Variants in FGF12 observed in about 807,000 individuals in gnomAD.
The protein encoded by FGF12 is fibroblast growth factor 12B.
Under a neutral mutation model 23.6 loss-of-function variants are expected in FGF12, and 14 were observed. The ratio of observed to expected loss-of-function variants is 0.59; its 90% CI spans 0.39 to 0.93. The LOEUF (loss-of-function observed/expected upper bound fraction) is 0.93. FGF12 is among the 40% of genes least tolerant of loss of function. FGF12 has a pLI of 0.00. For missense variants in FGF12, 175 were observed against 217.8 expected (o/e 0.80, Z 1.24); for synonymous variants, 62 against 77.3 (o/e 0.80, Z 1.04).
chr3:192,716,040 T>G (rs1454047230), intron 2 of FGF12, among the ~76,000 whole-genome samples: 1 of 152,262 alleles, frequency 6.6e-6, no homozygotes, highest in Non-Finnish European at 1.5e-5. Flanking sequence ...ACACATCTAT[T>G]TCTAGATTGA....
At position 192,713,605 on chromosome 3, in the gene FGF12, G is replaced by A. The variant is rs145049311; in HGVS notation, c.13+13576C>T. On this transcript the variant is annotated intron_variant, in intron 2 of 5. Transcript: ENST00000445105. Reference sequence around the variant, plus strand: ...CATCCTCCCATCTTTACTAAGACACGATTCACTGGGGTCAGTTGAGATTAA... The same window carrying A: ...CATCCTCCCATCTTTACTAAGACACAATTCACTGGGGTCAGTTGAGATTAA... 3.5e-3 allele frequency among the ~76,000 whole-genome samples: 536 copies of A among 152,240 alleles called. 3 individuals are homozygous for A. Among genetic ancestry groups the A allele is most frequent in the African/African-American group, 0.012 (513 of 41,534 alleles).
intron 2 of FGF12, among the ~76,000 whole-genome samples, chr3:192,466,749 G>A (rs956657016): frequency 2.0e-5 from 3 of 152,102 alleles, no homozygotes; most frequent in African/African-American, 7.2e-5. Context: ...AAGGTCAGGG[G>A]TCTGATCAAG....
At chr3:192,605,620 T>C (rs991924505) in intron 2 of FGF12, among the ~76,000 whole-genome samples, 1 of 152,148 alleles carries the variant, frequency 6.6e-6, no homozygotes, top group Non-Finnish European at 1.5e-5. Flanking sequence ...ATATCTGGAA[T>C]CTATGAGAAA....
intron 2 of FGF12, among the ~76,000 whole-genome samples, chr3:192,416,691 C>T (rs961084063): frequency 2.6e-5 from 4 of 152,064 alleles, no homozygotes; most frequent in East Asian, 1.9e-4. Context: ...TAGGATAGTA[C>T]ATGAAAGCAT....
At position 192,224,536 on chromosome 3, in the gene FGF12, C is replaced by T. The variant is rs375321514; in HGVS notation, c.229-53880G>A. On this transcript the variant is annotated intron_variant, in intron 4 of 5. Transcript: ENST00000445105. The stretch of plus-strand genomic sequence containing the variant: ...TGGGACTAGGAAAAGAAATGGTTAA[C>T]AAGTAAATATCAGTTCATAGCTACT... Among the ~76,000 whole-genome samples the T allele has an allele frequency of 2.2e-3, 334 of 152,110 alleles. 2 individuals carry two copies. The highest frequency in any genetic ancestry group is 5.5e-3 in the African/African-American group (228 of 41,528).
chr3:192,676,102 C>G (rs546730912), intron 2 of FGF12, among the ~76,000 whole-genome samples: 2 of 152,176 alleles, frequency 1.3e-5, no homozygotes, highest in Non-Finnish European at 2.9e-5. Flanking sequence ...AACCAGAAGA[C>G]CATATGAGTA....
In FGF12 at chr3:192,360,965, C is replaced by T. The variant is rs1718695556; in HGVS notation, c.14-427G>A. Among the ~76,000 whole-genome samples, 1 of 152,008 alleles carries T rather than the reference C, an allele frequency of 6.6e-6. No homozygotes were observed. The highest frequency in any genetic ancestry group is 2.1e-4 in the South Asian group (1 of 4,816). ...TAAGACTTCTATCTCTGCAGGATGTCAGCTCTCCATCAGAAGTTCCTGGGT... is the reference window on the plus strand; with the variant it reads ...TAAGACTTCTATCTCTGCAGGATGTTAGCTCTCCATCAGAAGTTCCTGGGT... On this transcript the variant is annotated intron_variant, in intron 2 of 5. Transcript: ENST00000445105. The surrounding 1 kb of genome is among the most constrained non-coding windows in gnomAD (Gnocchi z 4.3).
At chr3:192,496,393 C>G (rs996302286) in intron 2 of FGF12, among the ~76,000 whole-genome samples, 9 of 151,932 alleles carry the variant, frequency 5.9e-5, no homozygotes, top group Non-Finnish European at 1.3e-4. Context: ...ATATACTGGT[C>G]CAAGCCTGAC....
chr3:192,475,994 G>C (rs931303566), intron 2 of FGF12, among the ~76,000 whole-genome samples: 1 of 151,774 alleles, frequency 6.6e-6, no homozygotes, highest in Non-Finnish European at 1.5e-5. Flanking sequence ...CTGAAAAATA[G>C]CCTAGCCCAC....
chr3:192,336,988 T>C lies in FGF12; in HGVS notation c.125-1524A>G, dbSNP rs906533273. On this transcript the variant is annotated intron_variant, in intron 3 of 5. Coordinates refer to ENST00000445105, the MANE Select transcript of FGF12 (RefSeq NM_004113.6). This position sits in a 1 kb window ranked among gnomAD's most constrained non-coding sequence, Gnocchi z 4.3. Reference sequence around the variant, plus strand: ...CGAAAACTGAGACTAGATAAGAAACTGTAAGTAGTTTCTTATAGATTAATT... The same window carrying C: ...CGAAAACTGAGACTAGATAAGAAACCGTAAGTAGTTTCTTATAGATTAATT... 3.9e-5 allele frequency among the ~76,000 whole-genome samples: 6 copies of C among 152,190 alleles called. No individual in the cohort carries two copies. The highest frequency in any genetic ancestry group is 2.0e-4 in the Admixed American group (3 of 15,262).
chr3:192,196,717 C>T (rs1334215759), intron 4 of FGF12, among the ~76,000 whole-genome samples: 1 of 152,192 alleles, frequency 6.6e-6, no homozygotes, highest in East Asian at 1.9e-4. Context: ...GTAGACGTGA[C>T]AGCATTTTGT....
chr3:192,268,082 A>G lies in FGF12; in HGVS notation c.228+67279T>C, dbSNP rs114680278. On this transcript the variant is annotated intron_variant, in intron 4 of 5. Transcript: ENST00000445105. ...TTAAAACATGAATACACAACCCAGC[A>G]CAGTACTATGAAATCTCAGAAGTTC... Among the ~76,000 whole-genome samples the G allele has an allele frequency of 6.5e-3, 992 of 152,302 alleles. 10 individuals are homozygous for G. The highest frequency in any genetic ancestry group is 0.023 in the African/African-American group (957 of 41,578).
intron 4 of FGF12, among the ~76,000 whole-genome samples, chr3:192,296,145 A>G (rs926255380): frequency 1.4e-5 from 2 of 146,878 alleles, no homozygotes; most frequent in African/African-American, 5.0e-5. Context: ...ACCTCAACCA[A>G]TCTACCTGAC....
At chr3:192,426,619 A>G (rs1341052028) in intron 2 of FGF12, among the ~76,000 whole-genome samples, 1 of 152,232 alleles carries the variant, frequency 6.6e-6, no homozygotes, top group Non-Finnish European at 1.5e-5. Context: ...TTCTTCATCA[A>G]CTTCCTAAAT....
At position 192,408,247 on chromosome 3, in the gene FGF12, C is replaced by T. The variant is rs761735886; in HGVS notation, c.14-47709G>A. ...ATAGCTGCTCAGCGAGGGCCTCAGG[C>T]CCCAGCCTCTACTGCGCCCTCCGGC... is the stretch of plus-strand genomic sequence containing the variant. On this transcript the variant is annotated intron_variant, in intron 2 of 5. Transcript: ENST00000445105. This position sits in a 1 kb window ranked among gnomAD's most constrained non-coding sequence, Gnocchi z 7.3. The T allele has an allele frequency of 6.4e-7, 1 of 1,573,030 alleles. No homozygotes were observed. Among genetic ancestry groups the T allele is most frequent in the Non-Finnish European group, 8.6e-7 (1 of 1,163,496 alleles).
At chr3:192,205,555 G>T (rs1367733394) in intron 4 of FGF12, among the ~76,000 whole-genome samples, 1 of 152,202 alleles carries the variant, frequency 6.6e-6, no homozygotes, top group African/African-American at 2.4e-5. Context: ...TAAGTGCCCA[G>T]CAAGAAGAGA....
intron 2 of FGF12, among the ~76,000 whole-genome samples, chr3:192,688,004 C>A (rs572384572): frequency 6.6e-6 from 1 of 152,274 alleles, no homozygotes; most frequent in African/African-American, 2.4e-5. Flanking sequence ...GGCTGCCACA[C>A]ACATGCCTTC....
chr3:192,225,393 C>A (rs1020822012), intron 4 of FGF12, among the ~76,000 whole-genome samples: 1 of 152,094 alleles, frequency 6.6e-6, no homozygotes, highest in African/African-American at 2.4e-5. Flanking sequence ...CTCCCTCATG[C>A]TAATCAATCC....
rs1336425421 is a variant in FGF12, at chr3:192,336,479, C to T, written c.125-1015G>A. 1.3e-5 allele frequency among the ~76,000 whole-genome samples: 2 copies of T among 152,024 alleles called. No homozygotes were observed. Among genetic ancestry groups the T allele is most frequent in the Non-Finnish European group, 2.9e-5 (2 of 68,008 alleles). ...AATGAGCATAAACAGAAAACACTGC[C>T]CCCACCCTGAAACAATTCACATTGC... On this transcript the variant is annotated intron_variant, in intron 3 of 5. Transcript: ENST00000445105. The surrounding 1 kb of genome is among the most constrained non-coding windows in gnomAD (Gnocchi z 4.3).
Sources: gnomAD v4.1 joint callset for allele counts (sites outside exome capture counted in the v4.1 genomes callset) on GRCh38, gnomAD v4.1.1 for gene constraint, Gnocchi (gnomAD v3.1) non-coding constraint, MANE v1.5 for transcripts, NCBI Gene and HGNC (gene_info 2026-07-23, HGNC 2026-07-21) for gene names.